The following MTUS2 variants were observed in gnomAD, a reference collection of about 807,000 sequenced individuals.
MTUS2 encodes microtubule-associated tumor suppressor candidate 2.
A neutral mutation model predicts 114.1 loss-of-function variants in MTUS2; 40 were observed. That is an observed-to-expected ratio of 0.35 (90% confidence interval 0.27 to 0.46). MTUS2 has a LOEUF of 0.46. Ranked by LOEUF, MTUS2 falls within the 20% of genes least tolerant of loss-of-function variation. The pLI, the probability that MTUS2 is intolerant of heterozygous loss-of-function variation, is 1.00. For synonymous variants in MTUS2, 688 were observed against 672.0 expected (o/e 1.02, Z -0.37); for missense variants, 1,679 against 1,705.4 (o/e 0.98, Z 0.27).
intron 2 of MTUS2, among the ~76,000 whole-genome samples, chr13:29,023,000 T>G (rs752951782): frequency 1.3e-5 from 2 of 152,224 alleles, no homozygotes; most frequent in African/African-American, 4.8e-5. Context: ...CTGAAAGTCT[T>G]TTTTTAATTC....
chr13:28,875,878 A>G (rs1349202888), intron 2 of MTUS2, among the ~76,000 whole-genome samples: 1 of 152,158 alleles, frequency 6.6e-6, no homozygotes, highest in Non-Finnish European at 1.5e-5. Flanking sequence ...TTTATTCATG[A>G]TTTATTTTGT....
rs370883259 is a variant in MTUS2 at position 29,339,016 on chromosome 13, TC to T, written c.2905+14306del. Among the ~76,000 whole-genome samples the T allele has an allele frequency of 1.4e-4, 21 of 151,054 alleles. No individual in the cohort carries two copies. The East Asian group carries it at 3.9e-3, about 28-fold the overall frequency. ...GGCTCCTGTGGGGGTAAAACAAGGG[TC>T]AATAGGATGAGGCAGTCTGGAGGCT... On this transcript the variant is annotated intron_variant, in intron 7 of 15. Coordinates refer to ENST00000612955, the MANE Select transcript of MTUS2 (RefSeq NM_001033602.4).
chr13:29,128,778 T>C (rs1891628292), intron 5 of MTUS2, among the ~76,000 whole-genome samples: 1 of 152,218 alleles, frequency 6.6e-6, no homozygotes, highest in Non-Finnish European at 1.5e-5. Flanking sequence ...TGCCTTCAAC[T>C]GTATTCCTCA....
intron 7 of MTUS2, among the ~76,000 whole-genome samples, chr13:29,352,733 T>G (rs1257503088): frequency 1.3e-5 from 2 of 152,258 alleles, no homozygotes; most frequent in Admixed American, 1.3e-4. Flanking sequence ...ATAAAACAAT[T>G]TGTTTATCCA....
At chr13:29,449,858 C>T (rs551969169) in intron 9 of MTUS2, among the ~76,000 whole-genome samples, 6 of 152,318 alleles carry the variant, frequency 3.9e-5, no homozygotes, top group Non-Finnish European at 8.8e-5. Context: ...TGGGTTCAGG[C>T]ATGAATAACA....
intron 5 of MTUS2, among the ~76,000 whole-genome samples, chr13:29,252,279 C>T (rs1188875898): frequency 1.3e-5 from 2 of 152,094 alleles, no homozygotes; most frequent in Non-Finnish European, 2.9e-5. Context: ...CCTAGTTAGA[C>T]CATGAAATAC....
Position 29,503,365 on chromosome 13 carries a change from C to A in MTUS2, c.*159C>A. On this transcript the variant is annotated 3_prime_UTR_variant, in exon 16 of 16. Coordinates refer to ENST00000612955, the MANE Select transcript of MTUS2 (RefSeq NM_001033602.4). ...TCCTCTGATCCCCGTGTAAGACTGC[C>A]CTGGTGTCGGCACTTAGGAATGTGT... 1 of 733,362 alleles carries A rather than the reference C, an allele frequency of 1.4e-6. No individual in the cohort carries two copies. The highest frequency in any genetic ancestry group is 2.2e-6 in the Non-Finnish European group (1 of 450,520). The allele number at this position is 733,362 out of a possible 1,614,324, so 45.4% of individuals were successfully genotyped here.
At chr13:29,281,908 T>A in intron 6 of MTUS2, 43 bp downstream of exon 6, 1 of 1,519,784 alleles carries the variant, frequency 6.6e-7, no homozygotes, top group Non-Finnish European at 8.8e-7. Context: ...TGGAGTGCCC[T>A]TTCTGCATTA....
chr13:29,107,265 G>A (rs1890708296), intron 5 of MTUS2, among the ~76,000 whole-genome samples: 1 of 151,972 alleles, frequency 6.6e-6, no homozygotes, highest in African/African-American at 2.4e-5. Flanking sequence ...CAGACTATAA[G>A]CTCTTAGGGG....
intron 5 of MTUS2, among the ~76,000 whole-genome samples, chr13:29,211,802 A>T (rs1447105340): frequency 6.6e-6 from 1 of 151,488 alleles, no homozygotes; most frequent in South Asian, 2.1e-4. Flanking sequence ...TCAGTGTGTC[A>T]TGGAGCCCGC....
At chr13:28,854,634 C>A (rs7328937) in intron 2 of MTUS2, among the ~76,000 whole-genome samples, 5 of 152,216 alleles carry the variant, frequency 3.3e-5, no homozygotes, top group African/African-American at 1.2e-4. Flanking sequence ...TAATATATAC[C>A]CGCCCATTTT....
At chr13:28,915,612 A>G (rs1232480351) in intron 2 of MTUS2, among the ~76,000 whole-genome samples, 1 of 151,852 alleles carries the variant, frequency 6.6e-6, no homozygotes, top group Non-Finnish European at 1.5e-5. Context: ...AAAAATGTTG[A>G]TTCAGGTCTT....
chr13:29,383,668 A>G (rs1220703321), intron 8 of MTUS2, among the ~76,000 whole-genome samples: 1 of 152,186 alleles, frequency 6.6e-6, no homozygotes, highest in African/African-American at 2.4e-5. Context: ...GAACCAGCCC[A>G]TAGCATGTTA....
At chr13:29,002,414 ATATATAC>A (rs1353256664) in intron 2 of MTUS2, among the ~76,000 whole-genome samples, 1 of 152,176 alleles carries the variant, frequency 6.6e-6, no homozygotes, top group African/African-American at 2.4e-5. Flanking sequence ...CTATATACCC[ATATATAC>A]TATATACTAT....
At chr13:29,046,059 ATC>A (rs756999592) in intron 4 of MTUS2, among the ~76,000 whole-genome samples, 1 of 151,340 alleles carries the variant, frequency 6.6e-6, no homozygotes, top group Non-Finnish European at 1.5e-5. Flanking sequence ...ACCTGCTGCC[ATC>A]TAGACACCCC....
intron 2 of MTUS2, among the ~76,000 whole-genome samples, chr13:28,963,813 T>A (rs1044946541): frequency 6.6e-6 from 1 of 152,280 alleles, no homozygotes; most frequent in East Asian, 1.9e-4. Flanking sequence ...AGTGGTCACT[T>A]CAGTTGTCAT....
intron 5 of MTUS2, among the ~76,000 whole-genome samples, chr13:29,106,059 A>G (rs1006883162): frequency 6.6e-6 from 1 of 152,278 alleles, no homozygotes; most frequent in Non-Finnish European, 1.5e-5. Flanking sequence ...GTGTCTGTTC[A>G]GGTCTCCTAG....
chr13:29,161,454 G>C (rs770844470), intron 5 of MTUS2, among the ~76,000 whole-genome samples: 53 of 151,172 alleles, frequency 3.5e-4, no homozygotes, highest in Admixed American at 5.9e-4. Context: ...TATAGTATAC[G>C]TTATAGCTTG....
At chr13:28,881,892 C>T (rs1173239517) in intron 2 of MTUS2, among the ~76,000 whole-genome samples, 1 of 152,118 alleles carries the variant, frequency 6.6e-6, no homozygotes, top group East Asian at 1.9e-4. Context: ...AATAGAAAGT[C>T]TAGAAATGAG....
Sources: gnomAD v4.1 joint callset for allele counts (sites outside exome capture counted in the v4.1 genomes callset) on GRCh38, gnomAD v4.1.1 for gene constraint, MANE v1.5 for transcripts, NCBI Gene and HGNC (gene_info 2026-07-23, HGNC 2026-07-21) for gene names.